The following KYNU variants were observed in gnomAD, a reference collection of about 807,000 sequenced individuals.
KYNU encodes kynureninase.
A neutral mutation model predicts 59.2 loss-of-function variants in KYNU; 54 were observed. That is an observed-to-expected ratio of 0.91 (90% CI 0.73 to 1.14). The LOEUF (loss-of-function observed/expected upper bound fraction) is 1.14. Among genes scored for constraint, KYNU ranks in the 50% most tolerant of loss-of-function variants. The pLI is 0.00. For missense variants in KYNU, 567 were observed against 554.4 expected (o/e 1.02, Z -0.23); for synonymous variants, 177 against 192.0 (o/e 0.92, Z 0.65).
In KYNU at chr2:143,045,598, T is replaced by C. The variant is rs533752786; in HGVS notation, c.*3426T>C. 2.7e-4 allele frequency: 41 copies of C among 152,322 alleles called. No homozygotes were observed. The highest frequency in any genetic ancestry group is 9.6e-4 in the African/African-American group (40 of 41,566). 9.4% of individuals were successfully genotyped at this position (152,322 alleles called of 1,614,324 possible). On this transcript the variant is annotated 3_prime_UTR_variant, in exon 14 of 14. Coordinates refer to ENST00000264170, the MANE Select transcript of KYNU (RefSeq NM_003937.3). ...TATTTTATTCTCTTTGCAGCAATTG[T>C]GAATGGGAGTTCACTCATGATTTGG...
At chr2:142,930,108 T>G (rs1158807607) in intron 4 of KYNU, among the ~76,000 whole-genome samples, 1 of 151,990 alleles carries the variant, frequency 6.6e-6, no homozygotes, top group Admixed American at 6.6e-5. Flanking sequence ...TACGCCAGAG[T>G]AAGGTTGGAA....
chr2:142,998,819 CAACACAGTGA>C (rs1178316296), intron 10 of KYNU, among the ~76,000 whole-genome samples: 3 of 151,790 alleles, frequency 2.0e-5, no homozygotes, highest in Non-Finnish European at 4.4e-5. Context: ...CCATCCTGGC[CAACACAGTGA>C]AATCCCAACT....
intron 4 of KYNU, among the ~76,000 whole-genome samples, chr2:142,934,425 G>A (rs1683320455): frequency 6.6e-6 from 1 of 152,120 alleles, no homozygotes; most frequent in African/African-American, 2.4e-5. Flanking sequence ...GGTACTATGG[G>A]GAACATGGAA....
At position 142,947,133 on chromosome 2, in the gene KYNU, A is replaced by G. The variant is rs529311623; in HGVS notation, c.374-7677A>G. Reference sequence around the variant, plus strand: ...GCCACCCTTACAGACCCCCAACACAATCAACCTGGAAATGACCTCAGTATG... The same window carrying G: ...GCCACCCTTACAGACCCCCAACACAGTCAACCTGGAAATGACCTCAGTATG... On this transcript the variant is annotated intron_variant, in intron 4 of 13. Transcript: ENST00000264170. The G allele has an allele frequency of 1.7e-5, 27 of 1,550,858 alleles. No homozygotes were observed. In the South Asian group the frequency reaches 2.9e-4, roughly 16 times the overall value.
intron 2 of KYNU, among the ~76,000 whole-genome samples, chr2:142,891,527 GT>G (rs747298960): frequency 5.1e-4 from 78 of 152,110 alleles, no homozygotes; most frequent in Non-Finnish European, 8.8e-5. Flanking sequence ...AAAATTTAAA[GT>G]TATCCAAACA....
intron 10 of KYNU, among the ~76,000 whole-genome samples, chr2:142,995,745 C>T (rs966443949): frequency 2.6e-5 from 4 of 152,044 alleles, no homozygotes; most frequent in African/African-American, 4.8e-5. Context: ...TCATTAGTAC[C>T]TTTGAATCTG....
At chr2:142,886,994 C>A (rs1681537133) in intron 2 of KYNU, among the ~76,000 whole-genome samples, 1 of 152,136 alleles carries the variant, frequency 6.6e-6, no homozygotes, top group South Asian at 2.1e-4. Context: ...CACGGTGAAA[C>A]CCCATCTCTA....
At chr2:142,994,036 T>C (rs1685472634) in intron 10 of KYNU, among the ~76,000 whole-genome samples, 1 of 152,092 alleles carries the variant, frequency 6.6e-6, no homozygotes, top group African/African-American at 2.4e-5. Flanking sequence ...CTTGTTTTAA[T>C]TACTTCAAGT....
rs752542014 is a variant in KYNU, at chr2:143,047,027, C to G, written c.*4855C>G. 4 of 151,990 alleles carry G rather than the reference C, an allele frequency of 2.6e-5. No homozygotes were observed. The highest frequency in any genetic ancestry group is 4.4e-5 in the Non-Finnish European group (3 of 68,014). The allele number at this position is 151,990 out of a possible 1,614,324, so 9.4% of individuals were successfully genotyped here. A position where few individuals can be genotyped will look rare whatever the true frequency, so the allele number is the denominator to read the frequency against. The stretch of plus-strand genomic sequence containing the variant: ...CGCACATTTATAGTTTGACAAATTC[C>G]TAAGTACTTCTAATTTTATTGTCAT... On this transcript the variant is annotated 3_prime_UTR_variant, in exon 14 of 14. Coordinates refer to ENST00000264170, the MANE Select transcript of KYNU (RefSeq NM_003937.3).
chr2:142,917,073 T>C (rs1477001498), intron 2 of KYNU, among the ~76,000 whole-genome samples: 1 of 152,106 alleles, frequency 6.6e-6, no homozygotes. Flanking sequence ...AAACCCACAA[T>C]ATGCTAAAAA....
At chr2:142,900,748 G>T (rs1168259718) in intron 2 of KYNU, among the ~76,000 whole-genome samples, 1 of 152,140 alleles carries the variant, frequency 6.6e-6, no homozygotes, top group South Asian at 2.1e-4. Context: ...TGCTCTAACT[G>T]CTTCCTGCTG....
chr2:142,972,506 T>C (rs1684755270), intron 8 of KYNU, among the ~76,000 whole-genome samples: 1 of 152,132 alleles, frequency 6.6e-6, no homozygotes, highest in Non-Finnish European at 1.5e-5. Flanking sequence ...AAAATGTGAA[T>C]GATAATAGCT....
intron 4 of KYNU, among the ~76,000 whole-genome samples, chr2:142,935,158 T>C (rs369736182): frequency 5.4e-4 from 83 of 152,338 alleles, no homozygotes; most frequent in African/African-American, 1.9e-3. Flanking sequence ...GGGGGTGGAC[T>C]GGGAGGTGAA....
chr2:142,889,378 G>T (rs556362461), intron 2 of KYNU, among the ~76,000 whole-genome samples: 11 of 152,058 alleles, frequency 7.2e-5, no homozygotes, highest in South Asian at 2.1e-4. Context: ...TCTTCCCTCT[G>T]CATATAGGGC....
intron 8 of KYNU, among the ~76,000 whole-genome samples, chr2:142,972,813 T>TATATATAC (rs1478067181): frequency 8.1e-6 from 1 of 124,202 alleles, no homozygotes; most frequent in South Asian, 2.8e-4. Flanking sequence ...TATATATATA[T>TATATATAC]AGAGAGAGAG....
chr2:143,004,631 G>A (rs915745779), intron 10 of KYNU, among the ~76,000 whole-genome samples: 1 of 152,142 alleles, frequency 6.6e-6, no homozygotes, highest in African/African-American at 2.4e-5. Context: ...AACCAGGGAG[G>A]CGGAGGTTGC....
chr2:142,984,319 A>G (rs1481899980), intron 8 of KYNU, among the ~76,000 whole-genome samples: 2 of 152,186 alleles, frequency 1.3e-5, no homozygotes, highest in South Asian at 2.1e-4. Flanking sequence ...GGAGCTAGTC[A>G]TACTCATGGA....
chr2:142,986,117 A>G (rs1374170698), intron 10 of KYNU, 96 bp downstream of exon 10: 4 of 825,882 alleles, frequency 4.8e-6, no homozygotes, highest in East Asian at 2.6e-5. Flanking sequence ...ATGCTATCCA[A>G]TAGGAATTAG....
intron 11 of KYNU, among the ~76,000 whole-genome samples, chr2:143,031,397 GA>G (rs1357701884): frequency 2.6e-5 from 4 of 152,172 alleles, no homozygotes; most frequent in African/African-American, 4.8e-5. Flanking sequence ...ATACATAAGT[GA>G]AAGATTGTGG....
Sources: allele counts gnomAD v4.1 joint callset (sites outside exome capture counted in the v4.1 genomes callset), GRCh38; gene constraint gnomAD v4.1.1; transcripts MANE v1.5; gene names NCBI Gene and HGNC (gene_info 2026-07-23, HGNC 2026-07-21).